Variants in BRAF observed in about 807,000 individuals in gnomAD.
BRAF encodes serine/threonine-protein kinase B-raf.
In BRAF, 16 loss-of-function variants were observed where a neutral mutation model predicts 104.6. That is an observed-to-expected ratio of 0.15 (90% CI 0.10 to 0.23). The LOEUF is 0.23. BRAF is among the 10% of genes least tolerant of loss of function. BRAF has a pLI of 1.00. For synonymous variants in BRAF, 310 were observed against 341.6 expected, an observed-to-expected ratio of 0.91 and a Z score of 1.02; for missense variants, 541 against 937.3, an observed-to-expected ratio of 0.58 and a Z score of 5.52.
intron 3 of BRAF, among the ~76,000 whole-genome samples, chr7:140,833,709 T>G (rs199594205): frequency 6.6e-6 from 1 of 152,214 alleles, no homozygotes; most frequent in Admixed American, 6.5e-5. Context: ...TGACTTTTTA[T>G]TTTATTACTT....
At position 140,724,673 on chromosome 7, in the gene BRAF, T is replaced by TA; in HGVS notation, c.*1820dup. The TA allele has an allele frequency of 9.7e-7, 1 of 1,034,002 alleles. No individual in the cohort carries two copies. Among genetic ancestry groups the TA allele is most frequent in the Non-Finnish European group, 1.2e-6 (1 of 859,320 alleles). The allele number at this position is 1,034,002 out of a possible 1,614,324, so 64.1% of individuals were successfully genotyped here. ...TAGTGAGCTTTTAGTGGCTGCAATA[T>TA]AGACAGCAGGGCCTGGAGTTACAAT... On this transcript the variant is annotated 3_prime_UTR_variant, in exon 20 of 20. Coordinates refer to ENST00000644969, the MANE Select transcript of BRAF (RefSeq NM_001374258.1).
At chr7:140,808,596 G>T (rs1803902663) in intron 4 of BRAF, among the ~76,000 whole-genome samples, 1 of 151,600 alleles carries the variant, frequency 6.6e-6, no homozygotes, top group South Asian at 2.1e-4. Flanking sequence ...AAATGGGAGG[G>T]GGGTAAGAGT....
intron 19 of BRAF, among the ~76,000 whole-genome samples, chr7:140,729,101 C>A (rs1286988066): frequency 6.7e-6 from 1 of 150,086 alleles, no homozygotes; most frequent in Non-Finnish European, 1.5e-5. Flanking sequence ...GATGTGGTGG[C>A]ACATGCATGT....
intron 1 of BRAF, among the ~76,000 whole-genome samples, chr7:140,877,563 A>T (rs1342897756): frequency 1.3e-5 from 2 of 152,232 alleles, no homozygotes; most frequent in African/African-American, 4.8e-5. Flanking sequence ...AATGTTGAAA[A>T]CAAAAGCTTG....
At chr7:140,807,916 C>A in intron 5 of BRAF, 44 bp downstream of exon 5, 3 of 1,480,556 alleles carry the variant, frequency 2.0e-6, no homozygotes, top group Non-Finnish European at 2.8e-6. Context: ...TCATTAAAAT[C>A]TAAACATTTT....
intron 3 of BRAF, among the ~76,000 whole-genome samples, chr7:140,819,808 G>A (rs1012656674): frequency 5.3e-5 from 8 of 152,160 alleles, no homozygotes; most frequent in African/African-American, 1.9e-4. Flanking sequence ...GAGCAAATGG[G>A]TGGTTACATA....
At chr7:140,849,446 T>A (rs986908686) in intron 2 of BRAF, among the ~76,000 whole-genome samples, 1 of 151,692 alleles carries the variant, frequency 6.6e-6, no homozygotes, top group African/African-American at 2.4e-5. Flanking sequence ...AAAAATATTT[T>A]AAAAAATTAC....
intron 1 of BRAF, among the ~76,000 whole-genome samples, chr7:140,888,783 C>T (rs188758018): frequency 4.6e-5 from 7 of 151,434 alleles, no homozygotes; most frequent in Admixed American, 3.3e-4. Context: ...TGCAGTGGGC[C>T]GAGATTGCGC....
intron 19 of BRAF, among the ~76,000 whole-genome samples, chr7:140,728,216 C>T (rs1257120117): frequency 6.6e-6 from 1 of 152,108 alleles, no homozygotes; most frequent in East Asian, 1.9e-4. Flanking sequence ...CAGATGCTAT[C>T]ATCTATATTA....
intron 17 of BRAF, among the ~76,000 whole-genome samples, chr7:140,747,853 A>G (rs1336715218): frequency 2.6e-5 from 4 of 152,208 alleles, no homozygotes; most frequent in African/African-American, 9.6e-5. Flanking sequence ...CAGTAAGTAC[A>G]ATGTTTCAAT....
intron 1 of BRAF, among the ~76,000 whole-genome samples, chr7:140,907,504 G>GA (rs1816456221): frequency 6.6e-6 from 1 of 152,008 alleles, no homozygotes; most frequent in African/African-American, 2.4e-5. Flanking sequence ...CTCGTGATCT[G>GA]TCGGCCTCAG....
chr7:140,857,926 G>A (rs190343121), intron 1 of BRAF, among the ~76,000 whole-genome samples: 19 of 152,222 alleles, frequency 1.2e-4, no homozygotes, highest in Admixed American at 1.1e-3. Flanking sequence ...TCACACTGTA[G>A]GGGATTATTA....
Position 140,777,081 on chromosome 7 carries a change from G to A in BRAF, c.1645C>T (p.Arg549Ter), listed in dbSNP as rs1485437761. 3 of 1,613,738 alleles carry A rather than the reference G, an allele frequency of 1.9e-6. No homozygotes were observed. The highest frequency in any genetic ancestry group is 2.5e-6 in the Non-Finnish European group (3 of 1,179,772). ...KNEVGVLRKT[R>*]HVNILLFMGY... Reference sequence around the variant, plus strand: ...ATGAAGAGTAGGATATTCACATGTCGTGTTTTCCTGTACAAAGAAATGTGA... The same window carrying A: ...ATGAAGAGTAGGATATTCACATGTCATGTTTTCCTGTACAAAGAAATGTGA... The change falls in exon 14 of 20, where the codon CGA (arginine) becomes TGA (stop). Residue 549 changes from arginine to a stop codon, truncating the protein, a stop_gained. Coordinates refer to ENST00000644969, the MANE Select transcript of BRAF (RefSeq NM_001374258.1). LOFTEE classifies it high-confidence loss of function.
At chr7:140,919,971 T>C (rs1324902016) in intron 1 of BRAF, among the ~76,000 whole-genome samples, 1 of 152,072 alleles carries the variant, frequency 6.6e-6, no homozygotes, top group Non-Finnish European at 1.5e-5. Flanking sequence ...GCTTCCCAAG[T>C]AGCTGGGACT....
chr7:140,752,893 T>C (rs1797900593), intron 16 of BRAF, among the ~76,000 whole-genome samples: 1 of 152,152 alleles, frequency 6.6e-6, no homozygotes, highest in African/African-American at 2.4e-5. Context: ...CAGAACATTT[T>C]GAACACAAAA....
At chr7:140,753,473 A>T in intron 15 of BRAF, 80 bp from the exon 15 acceptor site, 1 of 908,502 alleles carries the variant, frequency 1.1e-6, no homozygotes, top group Non-Finnish European at 1.8e-6. Context: ...TAGGTAAGAG[A>T]TCTAATTTCT....
intron 14 of BRAF, among the ~76,000 whole-genome samples, chr7:140,776,528 CA>C (rs2129017813): frequency 6.6e-6 from 1 of 152,238 alleles, no homozygotes; most frequent in South Asian, 2.1e-4. Context: ...ATTTTGCAAC[CA>C]AAAATACGGG....
At chr7:140,804,788 T>C (rs1803489937) in intron 5 of BRAF, among the ~76,000 whole-genome samples, 1 of 151,982 alleles carries the variant, frequency 6.6e-6, no homozygotes, top group African/African-American at 2.4e-5. Context: ...GATTTCAACA[T>C]CAAAAGTCTA....
At chr7:140,807,377 T>C (rs1231006813) in intron 5 of BRAF, among the ~76,000 whole-genome samples, 2 of 152,130 alleles carry the variant, frequency 1.3e-5, no homozygotes, top group Non-Finnish European at 2.9e-5. Flanking sequence ...TGGTTAAATA[T>C]AATGAATTCC....
Sources: allele counts gnomAD v4.1 joint callset (sites outside exome capture counted in the v4.1 genomes callset), GRCh38; gene constraint gnomAD v4.1.1; transcripts MANE v1.5; gene names NCBI Gene and HGNC (gene_info 2026-07-23, HGNC 2026-07-21).